The following KCNH7 variants were observed in gnomAD, a reference collection of about 807,000 sequenced individuals.
KCNH7 encodes the protein voltage-gated inwardly rectifying potassium channel KCNH7.
Under a neutral mutation model 120.8 loss-of-function variants are expected in KCNH7, and 49 were observed. That is an observed-to-expected ratio of 0.41 (90% confidence interval 0.32 to 0.51). KCNH7 has a LOEUF of 0.51. KCNH7 is among the 20% of genes least tolerant of loss of function. The probability of loss-of-function intolerance (pLI) is 0.38; values close to 1 mark genes in which losing one functional copy is unlikely to be tolerated. For synonymous variants in KCNH7, 547 were observed against 516.1 expected (o/e 1.06, Z -0.81); for missense variants, 1,097 against 1,446.6 (o/e 0.76, Z 3.92).
At chr2:162,743,607 G>T (rs949281249) in intron 2 of KCNH7, among the ~76,000 whole-genome samples, 1 of 152,082 alleles carries the variant, frequency 6.6e-6, no homozygotes. Flanking sequence ...TTAAAAATTA[G>T]AGGTACATAA....
intron 6 of KCNH7, among the ~76,000 whole-genome samples, chr2:162,489,462 G>C (rs1183473014): frequency 6.6e-6 from 1 of 152,136 alleles, no homozygotes; most frequent in South Asian, 2.1e-4. Context: ...TGACCCACAT[G>C]CAGCTCACGG....
intron 2 of KCNH7, among the ~76,000 whole-genome samples, chr2:162,824,801 T>G (rs909001151): frequency 6.6e-6 from 1 of 152,024 alleles, no homozygotes; most frequent in Non-Finnish European, 1.5e-5. Context: ...ATTATGACTT[T>G]GCTAACTTTC....
chr2:162,748,745 C>T (rs769814488), intron 2 of KCNH7, among the ~76,000 whole-genome samples: 8 of 151,940 alleles, frequency 5.3e-5, no homozygotes, highest in African/African-American at 1.7e-4. Flanking sequence ...ATGATGACCA[C>T]GAACAAAGGA....
intron 2 of KCNH7, among the ~76,000 whole-genome samples, chr2:162,558,948 G>A (rs1471929004): frequency 6.6e-6 from 1 of 150,650 alleles, no homozygotes; most frequent in Non-Finnish European, 1.5e-5. Flanking sequence ...CCAGCTACTC[G>A]GGAGGCTGAG....
chr2:162,416,551 C>T (rs535091926), intron 9 of KCNH7, among the ~76,000 whole-genome samples: 2 of 152,148 alleles, frequency 1.3e-5, no homozygotes, highest in South Asian at 2.1e-4. Flanking sequence ...AAAATAATTT[C>T]GCCTTTGTGG....
chr2:162,462,500 A>C (rs1175680332), intron 6 of KCNH7, among the ~76,000 whole-genome samples: 3 of 151,580 alleles, frequency 2.0e-5, no homozygotes, highest in Admixed American at 6.6e-5. Flanking sequence ...ACACATCTAG[A>C]ATCATCAGGA....
intron 6 of KCNH7, among the ~76,000 whole-genome samples, chr2:162,477,761 C>A (rs951733117): frequency 6.6e-6 from 1 of 152,050 alleles, no homozygotes; most frequent in Non-Finnish European, 1.5e-5. Flanking sequence ...CTGACTCTAC[C>A]TTACCTCTTC....
chr2:162,722,964 G>A (rs541085125), intron 2 of KCNH7, among the ~76,000 whole-genome samples: 1 of 150,028 alleles, frequency 6.7e-6, no homozygotes, highest in African/African-American at 2.5e-5. Context: ...CCAAAATTCT[G>A]TTTGGTAAAT....
At chr2:162,671,113 A>G (rs1023336817) in intron 2 of KCNH7, among the ~76,000 whole-genome samples, 5 of 152,168 alleles carry the variant, frequency 3.3e-5, no homozygotes, top group Non-Finnish European at 7.4e-5. Flanking sequence ...GAACATTTAT[A>G]CCCTATTGGT....
At chr2:162,453,163 T>C (rs565114916) in intron 6 of KCNH7, among the ~76,000 whole-genome samples, 3 of 152,250 alleles carry the variant, frequency 2.0e-5, no homozygotes, top group African/African-American at 7.2e-5. Context: ...CCTCCCTGTG[T>C]CCATGTGTTC....
rs554144130 is a variant in KCNH7 at position 162,533,611 on chromosome 2, C to A, written c.463+3314G>T. Among the ~76,000 whole-genome samples the A allele has an allele frequency of 3.0e-4, 46 of 151,558 alleles. 1 individual carries two copies. The highest frequency in any genetic ancestry group is 1.1e-3 in the African/African-American group (44 of 41,452). ...GCTAAATGCTAATTTATACTAATAA[C>A]AAAATATATGGCTACCTATGAAATA... On this transcript the variant is annotated intron_variant, in intron 3 of 15. Coordinates refer to ENST00000332142, the MANE Select transcript of KCNH7 (RefSeq NM_033272.4).
At chr2:162,548,341 G>A (rs57097609) in intron 2 of KCNH7, among the ~76,000 whole-genome samples, 2,246 of 152,272 alleles carry the variant, frequency 0.015, 59 homozygotes, top group African/African-American at 0.051. Flanking sequence ...CTGATGGCAG[G>A]GATTGCTTTG....
At chr2:162,429,103 C>T (rs1484081053) in intron 8 of KCNH7, among the ~76,000 whole-genome samples, 3 of 151,648 alleles carry the variant, frequency 2.0e-5, no homozygotes, top group Non-Finnish European at 3.0e-5. Flanking sequence ...GTTATTATTT[C>T]ATTTTGTCTT....
chr2:162,719,296 C>A (rs1442327860), intron 2 of KCNH7, among the ~76,000 whole-genome samples: 1 of 151,962 alleles, frequency 6.6e-6, no homozygotes, highest in Non-Finnish European at 1.5e-5. Flanking sequence ...TCTAGTAAAT[C>A]TGCAAAAAAC....
rs557921718 is a variant in KCNH7 at position 162,806,764 on chromosome 2, G to A, written c.307+29773C>T. 4.6e-5 allele frequency among the ~76,000 whole-genome samples: 7 copies of A among 152,082 alleles called. No individual in the cohort carries two copies. The East Asian group carries it at 1.2e-3, about 25-fold the overall frequency. On this transcript the variant is annotated intron_variant, in intron 2 of 15. Coordinates refer to ENST00000332142, the MANE Select transcript of KCNH7 (RefSeq NM_033272.4). ...AAATTTAAATGGAATTTGTGGTTTC[G>A]GTAAATCTGAAGTTGTGGAATTAAG...
intron 2 of KCNH7, among the ~76,000 whole-genome samples, chr2:162,560,450 T>A (rs1000596206): frequency 6.6e-6 from 1 of 152,164 alleles, no homozygotes; most frequent in Non-Finnish European, 1.5e-5. Flanking sequence ...AAGAGCCCAC[T>A]TAGCTAGGCT....
chr2:162,436,898 C>T (rs2105526039), intron 7 of KCNH7, among the ~76,000 whole-genome samples: 1 of 152,074 alleles, frequency 6.6e-6, no homozygotes, highest in East Asian at 1.9e-4. Context: ...TCACTTGAGC[C>T]CAGGTATTTG....
intron 2 of KCNH7, among the ~76,000 whole-genome samples, chr2:162,657,256 T>C (rs1684795138): frequency 6.6e-6 from 1 of 152,130 alleles, no homozygotes; most frequent in East Asian, 1.9e-4. Flanking sequence ...TCCAGCGCTA[T>C]AGTTTCATAG....
intron 2 of KCNH7, among the ~76,000 whole-genome samples, chr2:162,621,250 A>ATTTTT (rs1559048811): frequency 1.5e-4 from 5 of 34,308 alleles, no homozygotes; most frequent in Admixed American, 7.7e-4. Flanking sequence ...GGGTATCATC[A>ATTTTT]TCTTTTTTTT....
Sources: allele counts gnomAD v4.1 joint callset (sites outside exome capture counted in the v4.1 genomes callset), GRCh38; gene constraint gnomAD v4.1.1; transcripts MANE v1.5; gene names NCBI Gene and HGNC (gene_info 2026-07-23, HGNC 2026-07-21).